The following DEK variants were observed in gnomAD, a reference collection of about 807,000 sequenced individuals.
DEK encodes protein DEK.
A neutral mutation model predicts 46.8 loss-of-function variants in DEK; 28 were observed. The ratio of observed to expected loss-of-function variants is 0.60; its 90% confidence interval spans 0.44 to 0.82. The LOEUF (loss-of-function observed/expected upper bound fraction) is 0.82. DEK is among the 40% of genes least tolerant of loss of function. DEK has a pLI of 0.00. For synonymous variants in DEK, 160 were observed against 144.5 expected (o/e 1.11, Z -0.77); for missense variants, 416 against 430.6 (o/e 0.97, Z 0.30).
chr6:18,256,537 C>T (rs1791605144), intron 4 of DEK, 82 bp from the exon 5 acceptor site: 1 of 1,184,536 alleles, frequency 8.4e-7, no homozygotes, highest in Non-Finnish European at 1.2e-6. Flanking sequence ...TCAAAGTCAA[C>T]ATCTTTATTT....
chr6:18,237,262 T>C, intron 8 of DEK, 119 bp downstream of exon 8: 1 of 1,225,702 alleles, frequency 8.2e-7, no homozygotes, highest in Non-Finnish European at 1.1e-6. Flanking sequence ...CCTGTATTAC[T>C]TCTCCCCGCA....
intron 2 of DEK, among the ~76,000 whole-genome samples, chr6:18,259,317 C>T (rs952228730): frequency 4.4e-5 from 6 of 137,166 alleles, no homozygotes; most frequent in African/African-American, 1.1e-4. Flanking sequence ...AAGGCATGAA[C>T]CCAGGAGGCG....
Position 18,233,084 on chromosome 6 carries a change from AAAAC to A in DEK, c.1047+3364_1047+3367del, listed in dbSNP as rs752189368. On this transcript the variant is annotated intron_variant, in intron 9 of 10. Transcript: ENST00000652689. ...CATATGATCTTTGACAAACCTGACA[AAAAC>A]AAGAAATGGGGAAAGGATTCCCTAT... Among the ~76,000 whole-genome samples the A allele has an allele frequency of 8.5e-5, 13 of 152,362 alleles. No homozygotes were observed. The East Asian group carries it at 2.5e-3, about 29-fold the overall frequency.
chr6:18,257,887 A>C, intron 4 of DEK, 66 bp downstream of exon 4: 1 of 1,203,230 alleles, frequency 8.3e-7, no homozygotes, highest in Non-Finnish European at 1.2e-6. Flanking sequence ...GATCACTAAC[A>C]TTTACAGAAA....
At chr6:18,264,124 G>A (rs214514) in intron 1 of DEK, 128 bp from the exon 2 acceptor site, 197,031 of 801,854 alleles carry the variant, frequency 0.25, 29,120 homozygotes, top group African/African-American at 0.55. Context: ...TCCCATAGCC[G>A]GGACCGCAGC....
intron 6 of DEK, among the ~76,000 whole-genome samples, chr6:18,253,781 G>A (rs1392499590): frequency 6.6e-6 from 1 of 152,072 alleles, no homozygotes; most frequent in Non-Finnish European, 1.5e-5. Flanking sequence ...GCAGTGGCAT[G>A]AAAATAGCTC....
intron 7 of DEK, among the ~76,000 whole-genome samples, chr6:18,245,869 G>A (rs1016209241): frequency 6.6e-6 from 1 of 152,240 alleles, no homozygotes; most frequent in Non-Finnish European, 1.5e-5. Context: ...ACTGAATCAC[G>A]AGGGTGGGTT....
intron 9 of DEK, among the ~76,000 whole-genome samples, chr6:18,234,818 CCTA>C (rs573757740): frequency 3.6e-4 from 55 of 152,132 alleles, no homozygotes; most frequent in Admixed American, 4.6e-4. Flanking sequence ...CTCCCATTTA[CCTA>C]CTATTTTCCT....
At chr6:18,234,664 C>T (rs1477923769) in intron 9 of DEK, among the ~76,000 whole-genome samples, 1 of 152,154 alleles carries the variant, frequency 6.6e-6, no homozygotes, top group African/African-American at 2.4e-5. Context: ...AGCACTTTCC[C>T]CTCCAGTTGT....
rs2151092836 is a variant in DEK, at chr6:18,256,382, T to C, written c.431A>G (p.Lys144Arg). 1 of 1,612,942 alleles carries C rather than the reference T, an allele frequency of 6.2e-7. No individual in the cohort carries two copies. The highest frequency in any genetic ancestry group is 8.5e-7 in the Non-Finnish European group (1 of 1,179,484). Residue 144 changes from lysine (K) to arginine (R), a missense_variant, in exon 5 of 11, where the codon AAG becomes AGG. Transcript: ENST00000652689. The stretch of plus-strand genomic sequence containing the variant: ...TTACTTTTTCAACATTTCTTCCTTC[T>C]TTTTATATTGGACACTTCCTTTTTC... ...PFEKGSVQYKKKEEMLKKFRN... is the reference protein window; with the variant it reads ...PFEKGSVQYKRKEEMLKKFRN...
At position 18,244,432 on chromosome 6, in the gene DEK, A is replaced by G. The variant is rs570150069; in HGVS notation, c.762+5219T>C. On this transcript the variant is annotated intron_variant, in intron 7 of 10. Coordinates refer to ENST00000652689, the MANE Select transcript of DEK (RefSeq NM_003472.4). ...ATTCTCCCTGTCTCTGATAACCATG[A>G]AGGTACAGAATCAGAGGAATGACAT... The G allele has an allele frequency of 4.4e-4, 291 of 665,636 alleles. 2 individuals carry two copies. Among genetic ancestry groups the G allele is most frequent in the Admixed American group, 7.4e-4 (25 of 33,804 alleles). 41.2% of individuals were successfully genotyped at this position (665,636 alleles called of 1,614,324 possible).
intron 7 of DEK, among the ~76,000 whole-genome samples, chr6:18,237,797 G>A (rs1018459331): frequency 2.0e-5 from 3 of 151,508 alleles, no homozygotes; most frequent in African/African-American, 7.3e-5. Context: ...ATCTTGGGGG[G>A]GACCCCTAAA....
At chr6:18,242,798 C>T (rs11752190) in intron 7 of DEK, among the ~76,000 whole-genome samples, 1,836 of 152,172 alleles carry the variant, frequency 0.012, 12 homozygotes, top group Non-Finnish European at 0.017. Flanking sequence ...AGTGAAAGCT[C>T]TTTACTCAAG....
Position 18,226,002 on chromosome 6 carries a change from ATTT to A in DEK, c.1116+169_1116+171del, listed in dbSNP as rs987333548. ...CTTATCACTAACTGTTCAAACTTTA[ATTT>A]TAAGCTTTAAAGTGGGAATGAGAAG... On this transcript the variant is annotated intron_variant, in intron 10 of 10. Coordinates refer to ENST00000652689, the MANE Select transcript of DEK (RefSeq NM_003472.4). 7 of 784,846 alleles carry A rather than the reference ATTT, an allele frequency of 8.9e-6. No homozygotes were observed. In the Admixed American group the frequency reaches 2.8e-4, roughly 31 times the overall value. The allele number at this position is 784,846 out of a possible 1,614,324, so 48.6% of individuals were successfully genotyped here.
chr6:18,250,417 C>T (rs34808445), intron 6 of DEK, among the ~76,000 whole-genome samples: 10,259 of 151,952 alleles, frequency 0.068, 542 homozygotes, highest in South Asian at 0.23. Context: ...TGCAGTGAGC[C>T]GAGATCGCGC....
intron 9 of DEK, among the ~76,000 whole-genome samples, chr6:18,228,976 G>A (rs553988356): frequency 6.6e-6 from 1 of 152,324 alleles, no homozygotes; most frequent in East Asian, 1.9e-4. Flanking sequence ...TGTCCCCTGA[G>A]TGGCCTAACT....
At chr6:18,244,331 T>C (rs1791018123) in intron 7 of DEK, among the ~76,000 whole-genome samples, 1 of 152,214 alleles carries the variant, frequency 6.6e-6, no homozygotes, top group Admixed American at 6.5e-5. Flanking sequence ...CTGCCATTAA[T>C]GTCAGATAGT....
At chr6:18,241,032 T>C (rs996241794) in intron 7 of DEK, among the ~76,000 whole-genome samples, 1 of 152,210 alleles carries the variant, frequency 6.6e-6, no homozygotes, top group African/African-American at 2.4e-5. Flanking sequence ...AAAGTTAAGG[T>C]AGGAATTTGG....
At chr6:18,256,688 G>C (rs1278544233) in intron 4 of DEK, among the ~76,000 whole-genome samples, 4 of 152,092 alleles carry the variant, frequency 2.6e-5, no homozygotes, top group African/African-American at 9.7e-5. Flanking sequence ...ACAAACTTAA[G>C]TCTCTGAAAA....
Sources: gnomAD v4.1 joint callset for allele counts (sites outside exome capture counted in the v4.1 genomes callset) on GRCh38, gnomAD v4.1.1 for gene constraint, MANE v1.5 for transcripts, NCBI Gene and HGNC (gene_info 2026-07-23, HGNC 2026-07-21) for gene names.